MYO10: variants seen among roughly 807,000 people sequenced by gnomAD.
The protein encoded by MYO10 is unconventional myosin-X.
Under a neutral mutation model 257.3 loss-of-function variants are expected in MYO10, and 133 were observed. The ratio of observed to expected loss-of-function variants is 0.52; its 90% CI spans 0.45 to 0.60. MYO10 has a LOEUF of 0.60. Ranked by LOEUF, MYO10 falls within the 20% of genes least tolerant of loss-of-function variation. The pLI is 0.00. For missense variants in MYO10, 2,399 were observed against 2,635.7 expected (o/e 0.91, Z 1.97); for synonymous variants, 1,104 against 1,028.6 (o/e 1.07, Z -1.40).
At chr5:16,693,129 G>A (rs562336993) in intron 27 of MYO10, among the ~76,000 whole-genome samples, 10 of 152,246 alleles carry the variant, frequency 6.6e-5, no homozygotes, top group African/African-American at 9.6e-5. Context: ...TTAGCCTGGC[G>A]TGGTGGCACA....
rs1742775795 is a variant in MYO10, at chr5:16,820,809, T to C, written c.121-2642A>G. 2.6e-5 allele frequency among the ~76,000 whole-genome samples: 4 copies of C among 151,590 alleles called. No individual in the cohort carries two copies. In the South Asian group the frequency reaches 8.3e-4, roughly 31 times the overall value. ...CTACAAAACACAGACACTAATTATATTTTACATATATGTAATATACACATA... is the reference window on the plus strand; with the variant it reads ...CTACAAAACACAGACACTAATTATACTTTACATATATGTAATATACACATA... On this transcript the variant is annotated intron_variant, in intron 2 of 40. Transcript: ENST00000513610.
chr5:16,755,463 C>T (rs1308497567), intron 18 of MYO10, among the ~76,000 whole-genome samples: 1 of 152,222 alleles, frequency 6.6e-6, no homozygotes, highest in Non-Finnish European at 1.5e-5. Context: ...CCGCGCCCGG[C>T]CTGAAATAGT....
chr5:16,729,409 T>A (rs556629916), intron 19 of MYO10, among the ~76,000 whole-genome samples: 149 of 152,210 alleles, frequency 9.8e-4, no homozygotes, highest in African/African-American at 3.6e-3. Flanking sequence ...TGTATTTCTC[T>A]CTACCTTCAC....
chr5:16,726,800 C>T (rs1474580905), intron 19 of MYO10, among the ~76,000 whole-genome samples: 3 of 152,188 alleles, frequency 2.0e-5, no homozygotes, highest in African/African-American at 7.2e-5. Flanking sequence ...CGAGATGATA[C>T]ATTTAGTTAG....
chr5:16,877,169 A>G (rs1486511016), intron 2 of MYO10, among the ~76,000 whole-genome samples: 1 of 152,196 alleles, frequency 6.6e-6, no homozygotes, highest in Non-Finnish European at 1.5e-5. Context: ...CACTCAGTCT[A>G]TGGTATTCTG....
chr5:16,724,652 T>C (rs1204779436), intron 19 of MYO10, among the ~76,000 whole-genome samples: 1 of 152,118 alleles, frequency 6.6e-6, no homozygotes, highest in African/African-American at 2.4e-5. Flanking sequence ...AACTCTTCAG[T>C]ATAGTGTTTA....
intron 9 of MYO10, among the ~76,000 whole-genome samples, chr5:16,776,622 C>G (rs115563304): frequency 0.011 from 1,617 of 152,288 alleles, 26 homozygotes; most frequent in African/African-American, 0.037. Context: ...AATCAAATTT[C>G]AAATGCCAAG....
chr5:16,715,243 T>A (rs1332676417), intron 19 of MYO10, among the ~76,000 whole-genome samples: 1 of 149,980 alleles, frequency 6.7e-6, no homozygotes, highest in African/African-American at 2.5e-5. Context: ...CTAGAAAGAA[T>A]CTTACTTAAA....
intron 2 of MYO10, among the ~76,000 whole-genome samples, chr5:16,856,606 G>C (rs746856994): frequency 2.6e-5 from 4 of 151,654 alleles, no homozygotes; most frequent in Non-Finnish European, 5.9e-5. Flanking sequence ...AGGTATCAAT[G>C]AATCATTCAA....
In MYO10 at chr5:16,687,183, T is replaced by C. The variant is rs114138659; in HGVS notation, c.3897-1352A>G. 3.1e-3 allele frequency among the ~76,000 whole-genome samples: 466 copies of C among 151,876 alleles called. 2 individuals carry two copies. Among genetic ancestry groups the C allele is most frequent in the African/African-American group, 0.011 (447 of 41,408 alleles). ...CGAAAAATAAAAAATTAGCTGGGTG[T>C]AGTGGTACATGCTTATAGTCCCAGC... On this transcript the variant is annotated intron_variant, in intron 28 of 40. Coordinates refer to ENST00000513610, the MANE Select transcript of MYO10 (RefSeq NM_012334.3).
chr5:16,779,600 G>A lies in MYO10; in HGVS notation c.875C>T (p.Ser292Phe). The change falls in exon 9 of 41, where the codon TCT (serine) becomes TTT (phenylalanine). Residue 292 changes from serine to phenylalanine, a missense_variant. By Grantham distance (155) the Ser-to-Phe change is radical. Around this residue, in one of 3 missense-constraint regions of MYO10, gnomAD observed 337 missense variants for 446.8 expected, o/e 0.75. Transcript: ENST00000513610. The stretch of plus-strand genomic sequence containing the variant: ...GATTGTCTTGTCTTCTACACATCCA[G>A]ACTGATTCAAGTAGTGGTAGTTTTC... ...TPENYHYLNQ[S>F]GCVEDKTISD... The A allele has an allele frequency of 6.2e-7, 1 of 1,603,352 alleles. No individual in the cohort carries two copies. The highest frequency in any genetic ancestry group is 8.5e-7 in the Non-Finnish European group (1 of 1,177,108).
In MYO10 at chr5:16,818,399, T is replaced by TATATATATATAC. The variant is rs1561000842; in HGVS notation, c.121-233_121-232insGTATATATATAT. ...GTGTGTGCGTGTGTGTGTGTGTGTG[T>TATATATATATAC]GTGTGTGTGTGTATATATATATATA... On this transcript the variant is annotated intron_variant, in intron 2 of 40. Transcript: ENST00000513610. Among the ~76,000 whole-genome samples, 172 of 118,538 alleles carry TATATATATATAC rather than the reference T, an allele frequency of 1.5e-3. 2 individuals are homozygous for TATATATATATAC. Among genetic ancestry groups the TATATATATATAC allele is most frequent in the African/African-American group, 5.1e-3 (168 of 32,810 alleles). The allele number at this position is 118,538 out of a possible 152,430, so 77.8% of individuals were successfully genotyped here. A position where few individuals can be genotyped will look rare whatever the true frequency, so the allele number is the denominator to read the frequency against.
At chr5:16,753,449 G>A (rs991281795) in intron 19 of MYO10, among the ~76,000 whole-genome samples, 6 of 148,524 alleles carry the variant, frequency 4.0e-5, no homozygotes, top group African/African-American at 9.9e-5. Context: ...TTACAGGCGT[G>A]AGCCACCGTG....
chr5:16,686,613 C>A (rs1737264821), intron 28 of MYO10, among the ~76,000 whole-genome samples: 1 of 152,004 alleles, frequency 6.6e-6, no homozygotes, highest in African/African-American at 2.4e-5. Context: ...CGGCTCACTG[C>A]AACCTCCGCC....
At position 16,670,582 on chromosome 5, in the gene MYO10, A is replaced by G; in HGVS notation, c.5827T>C (p.Tyr1943His). The change falls in exon 39 of 41, where the codon TAC becomes CAC. Residue 1943 changes from tyrosine to histidine, a missense_variant. Tyr to His is a moderately conservative substitution (Grantham distance 83). Transcript: ENST00000513610. ...GMNQEQAMAKYMALIKEWPGY... is the reference protein window; with the variant it reads ...GMNQEQAMAKHMALIKEWPGY... ...GGCCACTCCTTGATCAAGGCCATGTACTTGGCCATGGCCTGTTCCTGGTTC... is the reference window on the plus strand; with the variant it reads ...GGCCACTCCTTGATCAAGGCCATGTGCTTGGCCATGGCCTGTTCCTGGTTC... The G allele has an allele frequency of 1.2e-6, 2 of 1,613,936 alleles. No homozygotes were observed. The highest frequency in any genetic ancestry group is 1.7e-6 in the Non-Finnish European group (2 of 1,179,864).
At position 16,702,580 on chromosome 5, in the gene MYO10, T is replaced by C; in HGVS notation, c.2519A>G (p.Glu840Gly). ...GAGCTCGGCTTCTCTTCGCTCTCTCTCTCTTTCTCTAAAAATAGTAAAGGA... is the reference window on the plus strand; with the variant it reads ...GAGCTCGGCTTCTCTTCGCTCTCTCCCTCTTTCTCTAAAAATAGTAAAGGA... ...KKREEEERER[E>G]RERREAELRA... The change falls in exon 24 of 41, where the codon GAG becomes GGG. Residue 840 changes from glutamate to glycine, a missense_variant. Glu to Gly is a moderately conservative substitution (Grantham distance 98). Transcript: ENST00000513610. The C allele has an allele frequency of 6.3e-7, 1 of 1,583,104 alleles. No homozygotes were observed. Among genetic ancestry groups the C allele is most frequent in the Non-Finnish European group, 8.6e-7 (1 of 1,163,826 alleles).
At chr5:16,823,467 G>GGGGTGTTTTTT (rs1561003861) in intron 2 of MYO10, among the ~76,000 whole-genome samples, 1 of 3,978 alleles carries the variant, frequency 2.5e-4, no homozygotes, top group Non-Finnish European at 5.8e-4. Context: ...GGGGAGTGGG[G>GGGGTGTTTTTT]ATTTTTTTTT....
intron 2 of MYO10, among the ~76,000 whole-genome samples, chr5:16,846,072 A>G (rs1002022786): frequency 6.6e-6 from 1 of 152,194 alleles, no homozygotes; most frequent in Non-Finnish European, 1.5e-5. Context: ...CAGATGCTCA[A>G]ATCCAAAGTT....
In MYO10 at chr5:16,727,496, T is replaced by C. The variant is rs1739416256; in HGVS notation, c.1930-16251A>G. ...TTTCAAAGATAAAAAACAATGCTCA[T>C]GCAAATACTGTGAAATAAAGGCCCC... On this transcript the variant is annotated intron_variant, in intron 19 of 40. Coordinates refer to ENST00000513610, the MANE Select transcript of MYO10 (RefSeq NM_012334.3). 2.6e-5 allele frequency among the ~76,000 whole-genome samples: 4 copies of C among 152,194 alleles called. No individual in the cohort carries two copies. In the South Asian group the frequency reaches 8.3e-4, roughly 31 times the overall value.
Sources: gnomAD v4.1 joint callset for allele counts (sites outside exome capture counted in the v4.1 genomes callset) on GRCh38, gnomAD v4.1.1 for gene constraint, gnomAD v4.1.1 regional missense constraint, MANE v1.5 for transcripts, NCBI Gene and HGNC (gene_info 2026-07-23, HGNC 2026-07-21) for gene names.